The following RNF144A variants were observed in gnomAD, a reference collection of about 807,000 sequenced individuals.
The protein encoded by RNF144A is ring finger protein 144A, also known as E3 ubiquitin-protein ligase RNF144A.
Under a neutral mutation model 38.7 loss-of-function variants are expected in RNF144A, and 11 were observed. That is an observed-to-expected ratio of 0.28 (90% CI 0.18 to 0.47). The LOEUF (loss-of-function observed/expected upper bound fraction) is 0.47. Ranked by LOEUF, RNF144A falls within the 20% of genes least tolerant of loss-of-function variation. The probability of loss-of-function intolerance (pLI) is 0.99; values close to 1 mark genes in which losing one functional copy is unlikely to be tolerated. For missense variants in RNF144A, 316 were observed against 377.2 expected (o/e 0.84, Z 1.34); for synonymous variants, 149 against 143.9 (o/e 1.04, Z -0.25).
chr2:6,983,580 G>A (rs551632574), intron 2 of RNF144A, among the ~76,000 whole-genome samples: 2 of 152,276 alleles, frequency 1.3e-5, no homozygotes, highest in South Asian at 4.1e-4. Context: ...TCAGGATGCA[G>A]GTGGCTACAG....
chr2:7,035,825 G>C (rs187437209), intron 8 of RNF144A, among the ~76,000 whole-genome samples: 64 of 152,316 alleles, frequency 4.2e-4, no homozygotes, highest in Non-Finnish European at 7.6e-4. Flanking sequence ...TATGCCACTT[G>C]CATCTTACCT....
chr2:6,997,321 C>T (rs905766296), intron 3 of RNF144A, among the ~76,000 whole-genome samples: 4 of 152,164 alleles, frequency 2.6e-5, no homozygotes, highest in South Asian at 4.1e-4. Flanking sequence ...TAACAATTCA[C>T]GAAACTTATC....
At chr2:7,036,257 T>C (rs1489084126) in intron 8 of RNF144A, among the ~76,000 whole-genome samples, 1 of 152,228 alleles carries the variant, frequency 6.6e-6, no homozygotes, top group Non-Finnish European at 1.5e-5. Flanking sequence ...AGGGAGAATC[T>C]TACCCAAAAC....
At chr2:7,001,812 A>C (rs1670125358) in intron 3 of RNF144A, among the ~76,000 whole-genome samples, 1 of 152,226 alleles carries the variant, frequency 6.6e-6, no homozygotes, top group Non-Finnish European at 1.5e-5. Context: ...TGCGTGGCTG[A>C]ACATTGCTGT....
In RNF144A at chr2:7,020,878, A is replaced by G. The variant is rs368256357; in HGVS notation, c.509+198A>G. On this transcript the variant is annotated intron_variant, in intron 6 of 8. Transcript: ENST00000320892. ...TATTTTTGAGAACTGACTATGTACC[A>G]GGCACTGTGTGAGGCCCTGGAAATA... is the stretch of plus-strand genomic sequence containing the variant. 1.1e-3 allele frequency: 628 copies of G among 593,670 alleles called. 4 individuals carry two copies. The highest frequency in any genetic ancestry group is 2.1e-3 in the Middle Eastern group (5 of 2,326). The allele number at this position is 593,670 out of a possible 1,614,324, so 36.8% of individuals were successfully genotyped here. A position where few individuals can be genotyped will look rare whatever the true frequency, so the allele number is the denominator to read the frequency against.
intron 1 of RNF144A, among the ~76,000 whole-genome samples, chr2:6,932,039 A>G (rs1665237454): frequency 6.6e-6 from 1 of 151,992 alleles, no homozygotes; most frequent in Non-Finnish European, 1.5e-5. Context: ...TTAGTAGTGG[A>G]TTTGTCTGTT....
chr2:7,023,987 C>T (rs1236362872), intron 6 of RNF144A, among the ~76,000 whole-genome samples: 1 of 152,114 alleles, frequency 6.6e-6, no homozygotes, highest in East Asian at 1.9e-4. Flanking sequence ...TTATATCAAC[C>T]CTTTGGAAAG....
chr2:6,981,659 A>G (rs1668641308), intron 2 of RNF144A, among the ~76,000 whole-genome samples: 1 of 152,134 alleles, frequency 6.6e-6, no homozygotes, highest in African/African-American at 2.4e-5. Flanking sequence ...AAACCATTCA[A>G]CAAGTCTCTA....
Position 7,043,874 on chromosome 2 carries a change from T to C in RNF144A, c.*4114T>C, listed in dbSNP as rs2103467724. The stretch of plus-strand genomic sequence containing the variant: ...TTTTAATCTTGTATAAAAATATGCA[T>C]GAATGAGTCATGCACATGTATACGT... On this transcript the variant is annotated 3_prime_UTR_variant, in exon 9 of 9. Coordinates refer to ENST00000320892, the MANE Select transcript of RNF144A (RefSeq NM_014746.6). 9.1e-6 allele frequency: 9 copies of C among 985,832 alleles called. No individual in the cohort carries two copies. The highest frequency in any genetic ancestry group is 1.1e-5 in the Non-Finnish European group (9 of 829,914). The allele number at this position is 985,832 out of a possible 1,614,324, so 61.1% of individuals were successfully genotyped here.
intron 2 of RNF144A, among the ~76,000 whole-genome samples, chr2:6,956,932 C>G (rs973764746): frequency 1.1e-4 from 16 of 152,188 alleles, no homozygotes; most frequent in African/African-American, 3.9e-4. Flanking sequence ...TTAAAATGCT[C>G]TCTGTTGAAA....
chr2:7,035,430 C>T (rs1672608004), intron 8 of RNF144A, among the ~76,000 whole-genome samples: 1 of 152,220 alleles, frequency 6.6e-6, no homozygotes, highest in South Asian at 2.1e-4. Context: ...CTGTTCTGCT[C>T]TGTTTACTAA....
chr2:7,014,364 A>T, intron 3 of RNF144A, 90 bp from the exon 4 acceptor site: 1 of 852,354 alleles, frequency 1.2e-6, no homozygotes, highest in South Asian at 1.4e-5. Context: ...TAATGGAATG[A>T]TGTGCCTGGT....
chr2:7,065,683 T>A (rs2103482316), intron 6 of RNF144A, among the ~76,000 whole-genome samples: 1 of 152,374 alleles, frequency 6.6e-6, no homozygotes, highest in East Asian at 1.9e-4. Context: ...ACTCTCTTCA[T>A]ATTTTTAAGC....
Position 7,020,508 on chromosome 2 carries a change from G to GCGTC in RNF144A, c.339_342dup (p.Thr115ValfsTer66). ...TGATCCCTGTCGGACTTGGTGCCCG[G>GCGTC]CGTCCACCTGCCAAGCTGTGTGTCA... On this transcript the variant is annotated frameshift_variant, in exon 6 of 9. Transcript: ENST00000320892. LOFTEE classifies it high-confidence loss of function. The GCGTC allele has an allele frequency of 1.2e-6, 2 of 1,613,730 alleles. No individual in the cohort carries two copies. The highest frequency in any genetic ancestry group is 1.7e-6 in the Non-Finnish European group (2 of 1,179,986).
chr2:7,043,910 A>T lies in RNF144A; in HGVS notation c.*4150A>T. ...TGCACATGTATACGTTATGTATTTG[A>T]CAAGTGGTGGTGAAACAAAATCAAA... On this transcript the variant is annotated 3_prime_UTR_variant, in exon 9 of 9. Transcript: ENST00000320892. 1.0e-6 allele frequency: 1 copy of T among 985,870 alleles called. No individual in the cohort carries two copies. The highest frequency in any genetic ancestry group is 4.7e-5 in the South Asian group (1 of 21,284). The allele number at this position is 985,870 out of a possible 1,614,324, so 61.1% of individuals were successfully genotyped here. A position where few individuals can be genotyped will look rare whatever the true frequency, so the allele number is the denominator to read the frequency against.
chr2:7,035,572 C>T (rs762408718), intron 8 of RNF144A, among the ~76,000 whole-genome samples: 3 of 152,192 alleles, frequency 2.0e-5, no homozygotes, highest in Non-Finnish European at 4.4e-5. Flanking sequence ...CCTGGGGACA[C>T]ATTTCTCTGT....
intron 6 of RNF144A, among the ~76,000 whole-genome samples, chr2:7,054,795 T>C (rs1308100150): frequency 6.6e-6 from 1 of 152,138 alleles, no homozygotes; most frequent in African/African-American, 2.4e-5. Flanking sequence ...CAGAAATAAA[T>C]TTCTGTTCTT....
intron 8 of RNF144A, among the ~76,000 whole-genome samples, chr2:7,031,839 C>T (rs1672324621): frequency 6.6e-6 from 1 of 152,254 alleles, no homozygotes; most frequent in South Asian, 2.1e-4. Flanking sequence ...GGCCGTAGGC[C>T]TCTGCTGCAC....
chr2:7,003,289 G>A (rs1227965587), intron 3 of RNF144A, among the ~76,000 whole-genome samples: 1 of 152,180 alleles, frequency 6.6e-6, no homozygotes, highest in Non-Finnish European at 1.5e-5. Context: ...TATAAAGTCT[G>A]TAGCAGCAGT....
Sources: allele counts gnomAD v4.1 joint callset (sites outside exome capture counted in the v4.1 genomes callset), GRCh38; gene constraint gnomAD v4.1.1; transcripts MANE v1.5; gene names NCBI Gene and HGNC (gene_info 2026-07-23, HGNC 2026-07-21).